Variants in FANCB observed in about 807,000 individuals in gnomAD.
The protein encoded by FANCB is FA complementation group B.
FANCB carries 5 observed loss-of-function variants against 38.9 expected under a neutral mutation model. The ratio of observed to expected loss-of-function variants is 0.13; its 90% CI spans 0.07 to 0.27. The LOEUF (loss-of-function observed/expected upper bound fraction) is 0.27, where lower values mean the gene tolerates loss of function less well. Ranked by LOEUF, FANCB falls within the 10% of genes least tolerant of loss-of-function variation. The pLI is 1.00. For missense variants in FANCB, 573 were observed against 602.7 expected (o/e 0.95, Z 0.52); for synonymous variants, 236 against 215.4 (o/e 1.10, Z -0.84).
chrX:14,800,209 A>G, the FANCB span, among the ~76,000 whole-genome samples: 2,324 of 111,778 alleles, frequency 0.021, 62 homozygotes, highest in African/African-American at 0.071. Flanking sequence ...TATGAAGAAC[A>G]CTCATGTCTA....
At chrX:14,822,811 T>C in the FANCB span, among the ~76,000 whole-genome samples, 1 of 111,429 alleles carries the variant, frequency 9.0e-6, no homozygotes, top group Non-Finnish European at 1.9e-5. Context: ...CCTATTAACT[T>C]TATTTCTAGA....
intron 7 of FANCB, among the ~76,000 whole-genome samples, chrX:14,845,765 G>A (rs1467819025): frequency 1.8e-5 from 2 of 111,180 alleles, no homozygotes; most frequent in Admixed American, 9.6e-5. Flanking sequence ...TGTATTTTTC[G>A]TTCCTCTAAA....
chrX:14,759,882 TA>T, the FANCB span, among the ~76,000 whole-genome samples: 5 of 110,458 alleles, frequency 4.5e-5, no homozygotes, highest in Admixed American at 4.8e-4. Flanking sequence ...ACATTGACTA[TA>T]AATGGCCTCA....
At chrX:14,712,697 T>G in the FANCB span, among the ~76,000 whole-genome samples, 1 of 109,121 alleles carries the variant, frequency 9.2e-6, no homozygotes, top group South Asian at 4.0e-4. Flanking sequence ...GGGGTTAAGG[T>G]CTAAAAGGCA....
the FANCB span, chrX:14,691,007 C>G: frequency 2.0e-6 from 1 of 510,200 alleles, no homozygotes; most frequent in Non-Finnish European, 3.1e-6. Context: ...TAGTGCTCAG[C>G]TTAGGCCTTT....
At chrX:14,722,142 C>G in the FANCB span, among the ~76,000 whole-genome samples, 3 of 112,041 alleles carry the variant, frequency 2.7e-5, no homozygotes, top group African/African-American at 9.7e-5. Flanking sequence ...AAAACGATAA[C>G]AAGCAGTTCA....
At chrX:14,866,700 A>G (rs1200139020) in intron 2 of FANCB, among the ~76,000 whole-genome samples, 1 of 112,362 alleles carries the variant, frequency 8.9e-6, no homozygotes, top group Non-Finnish European at 1.9e-5. Flanking sequence ...CTCTTTATTC[A>G]GTCTTCTATG....
chrX:14,868,987 T>G lies in FANCB; in HGVS notation c.-135A>C, dbSNP rs2092483001. Reference sequence around the variant, plus strand: ...ATAGGCATCACAAAGTAGTTTCAGCTTCATCAGTAAAGAAGATAGGGTAGG... The same window carrying G: ...ATAGGCATCACAAAGTAGTTTCAGCGTCATCAGTAAAGAAGATAGGGTAGG... On this transcript the variant is annotated 5_prime_UTR_variant, in exon 2 of 10. Transcript: ENST00000650831. 1 of 112,005 alleles carries G rather than the reference T, an allele frequency of 8.9e-6. No individual in the cohort carries two copies. The highest frequency in any genetic ancestry group is 3.7e-4 in the South Asian group (1 of 2,708). 9.2% of individuals were successfully genotyped at this position (112,005 alleles called of 1,213,427 possible). A position where few individuals can be genotyped will look rare whatever the true frequency, so the allele number is the denominator to read the frequency against.
chrX:14,713,360 G>A, the FANCB span, among the ~76,000 whole-genome samples: 1 of 112,023 alleles, frequency 8.9e-6, no homozygotes, highest in African/African-American at 3.2e-5. Flanking sequence ...AGAATTTTGT[G>A]TGTCTTTTGA....
chrX:14,798,394 C>T, the FANCB span, among the ~76,000 whole-genome samples: 1 of 111,397 alleles, frequency 9.0e-6, no homozygotes, highest in African/African-American at 3.3e-5. Flanking sequence ...GATCTCCTGA[C>T]ATCGTGATCC....
In FANCB at chrX:14,864,547, A is replaced by G. The variant is rs773281336; in HGVS notation, c.951+13T>C. 3.9e-6 allele frequency: 4 copies of G among 1,035,681 alleles called. No individual in the cohort carries two copies. The highest frequency in any genetic ancestry group is 5.0e-4 in the Middle Eastern group (2 of 4,007). The allele number at this position is 1,035,681 out of a possible 1,213,427, so 85.4% of individuals were successfully genotyped here. ...GACCACCAACTGAATTATTATTACAATAAGTGTTGTACCTGAAAGCTCTCT... is the reference window on the plus strand; with the variant it reads ...GACCACCAACTGAATTATTATTACAGTAAGTGTTGTACCTGAAAGCTCTCT... On this transcript the variant is annotated intron_variant, in intron 3 of 9. Coordinates refer to ENST00000650831, the MANE Select transcript of FANCB (RefSeq NM_001018113.3).
chrX:14,845,826 T>G (rs890620344), intron 7 of FANCB, among the ~76,000 whole-genome samples: 1 of 112,073 alleles, frequency 8.9e-6, no homozygotes, highest in Admixed American at 9.5e-5. Flanking sequence ...CCCTCAGCAA[T>G]TCTTTCCATA....
At chrX:14,763,093 T>C in the FANCB span, among the ~76,000 whole-genome samples, 22 of 111,647 alleles carry the variant, frequency 2.0e-4, no homozygotes, top group African/African-American at 7.2e-4. Context: ...TGGTGCTAGA[T>C]TGCTTAGTCC....
the FANCB span, among the ~76,000 whole-genome samples, chrX:14,817,031 C>A: frequency 8.9e-6 from 1 of 111,955 alleles, no homozygotes; most frequent in Non-Finnish European, 1.9e-5. Context: ...TATATAGACA[C>A]AGGGAGTCTA....
At chrX:14,832,544 A>C (rs1448106689), downstream of FANCB, among the ~76,000 whole-genome samples, 1 of 112,233 alleles carries the variant, frequency 8.9e-6, no homozygotes, top group Non-Finnish European at 1.9e-5. Flanking sequence ...TAGTAGTAGC[A>C]AACAGTAAAA....
At chrX:14,792,076 G>C in the FANCB span, among the ~76,000 whole-genome samples, 1 of 111,343 alleles carries the variant, frequency 9.0e-6, no homozygotes, top group Admixed American at 9.6e-5. Context: ...CATTGGAAAA[G>C]CTTTAAAAGT....
the FANCB span, among the ~76,000 whole-genome samples, chrX:14,768,216 T>G: frequency 8.9e-6 from 1 of 112,027 alleles, no homozygotes; most frequent in African/African-American, 3.2e-5. Context: ...GGTAGTTTAA[T>G]GGGAATTGCA....
chrX:14,785,077 C>T, the FANCB span, among the ~76,000 whole-genome samples: 1 of 111,621 alleles, frequency 9.0e-6, no homozygotes, highest in South Asian at 3.8e-4. Flanking sequence ...GGGTTTAATA[C>T]CTAGGTGATG....
At chrX:14,747,681 T>C in the FANCB span, among the ~76,000 whole-genome samples, 1 of 112,093 alleles carries the variant, frequency 8.9e-6, no homozygotes, top group African/African-American at 3.2e-5. Flanking sequence ...AGGATGTTCC[T>C]AGCACTAAGA....
Sources: allele counts gnomAD v4.1 joint callset (sites outside exome capture counted in the v4.1 genomes callset), GRCh38; gene constraint gnomAD v4.1.1; transcripts MANE v1.5; gene names NCBI Gene and HGNC (gene_info 2026-07-23, HGNC 2026-07-21).